Variants in JAK2 observed in about 807,000 individuals in gnomAD.
The protein encoded by JAK2 is Janus kinase 2.
A neutral mutation model predicts 139.3 loss-of-function variants in JAK2; 86 were observed. The observed-to-expected ratio is 0.62, with a 90% confidence interval of 0.52 to 0.74. The LOEUF (loss-of-function observed/expected upper bound fraction) is 0.74, where lower values mean the gene tolerates loss of function less well. JAK2 is among the 30% of genes least tolerant of loss of function. The pLI is 0.00. For missense variants in JAK2, 1,421 were observed against 1,360.3 expected (o/e 1.04, Z -0.70); for synonymous variants, 490 against 437.7 (o/e 1.12, Z -1.49).
At chr9:5,027,698 A>G (rs1822868785) in intron 3 of JAK2, among the ~76,000 whole-genome samples, 1 of 152,218 alleles carries the variant, frequency 6.6e-6, no homozygotes, top group African/African-American at 2.4e-5. Flanking sequence ...GATTAAGTTG[A>G]TGTAGTATTA....
At chr9:5,076,807 T>C (rs1178933402) in intron 14 of JAK2, among the ~76,000 whole-genome samples, 1 of 152,212 alleles carries the variant, frequency 6.6e-6, no homozygotes, top group Non-Finnish European at 1.5e-5. Context: ...TGAAAATTGA[T>C]AATCTTCTCA....
intron 23 of JAK2, 145 bp downstream of exon 23, chr9:5,123,266 C>T (rs942899237): frequency 1.9e-6 from 1 of 540,438 alleles, no homozygotes; most frequent in Non-Finnish European, 3.4e-6. Flanking sequence ...ACCTTAATAA[C>T]ATACATTGTA....
chr9:5,032,926 C>G (rs1290080329), intron 4 of JAK2, among the ~76,000 whole-genome samples: 1 of 152,154 alleles, frequency 6.6e-6, no homozygotes, highest in African/African-American at 2.4e-5. Flanking sequence ...GAGAAGAAGG[C>G]TTCAGACGAT....
chr9:4,992,821 C>T (rs938068838), intron 2 of JAK2, among the ~76,000 whole-genome samples: 10 of 152,196 alleles, frequency 6.6e-5, no homozygotes, highest in African/African-American at 2.4e-4. Context: ...TAGGCACAGT[C>T]TGTAGCAATT....
intron 22 of JAK2, among the ~76,000 whole-genome samples, chr9:5,120,207 G>A (rs1280307190): frequency 6.6e-6 from 1 of 152,180 alleles, no homozygotes; most frequent in Non-Finnish European, 1.5e-5. Flanking sequence ...AAAGTGGAAG[G>A]GCGAGAGGGG....
intron 2 of JAK2, among the ~76,000 whole-genome samples, chr9:4,997,218 C>T (rs918752163): frequency 2.0e-5 from 3 of 152,020 alleles, no homozygotes; most frequent in African/African-American, 4.8e-5. Flanking sequence ...GGTTCTGGAG[C>T]CACCGCGCAT....
intron 2 of JAK2, among the ~76,000 whole-genome samples, chr9:5,003,165 C>G (rs1821031640): frequency 6.6e-6 from 1 of 151,808 alleles, no homozygotes; most frequent in African/African-American, 2.4e-5. Flanking sequence ...TAATATAAAT[C>G]TTTAGTTTGC....
intron 4 of JAK2, among the ~76,000 whole-genome samples, chr9:5,034,810 C>G (rs2130210501): frequency 6.6e-6 from 1 of 152,246 alleles, no homozygotes; most frequent in East Asian, 1.9e-4. Context: ...GACACCCTAA[C>G]ATCACAATTA....
At chr9:5,113,537 C>G (rs1049288808) in intron 22 of JAK2, 2 of 153,630 alleles carry the variant, frequency 1.3e-5, no homozygotes, top group African/African-American at 4.9e-5. Context: ...CTCAGCTGAT[C>G]TTGACTGTCC....
chr9:4,988,524 C>G (rs894891082), intron 2 of JAK2, among the ~76,000 whole-genome samples: 11 of 152,204 alleles, frequency 7.2e-5, no homozygotes, highest in African/African-American at 1.2e-4. Context: ...GAAAAATTTG[C>G]TAAGACTCAG....
rs201214519 is a variant in JAK2, at chr9:5,126,312, T to C, written c.3178-21T>C. The C allele has an allele frequency of 8.6e-6, 13 of 1,513,970 alleles. 1 individual carries two copies. The East Asian group carries it at 1.8e-4, about 21-fold the overall frequency. The allele number at this position is 1,513,970 out of a possible 1,614,324, so 93.8% of individuals were successfully genotyped here. A position where few individuals can be genotyped will look rare whatever the true frequency, so the allele number is the denominator to read the frequency against. On this transcript the variant is annotated intron_variant, in intron 23 of 24. Transcript: ENST00000381652. The stretch of plus-strand genomic sequence containing the variant: ...CTACAAATTAAATGTACAAAAAATA[T>C]TGAAAGTGGGTTTGTTTTAGGAATT...
chr9:5,122,133 A>G (rs574772151), intron 22 of JAK2, among the ~76,000 whole-genome samples: 45 of 152,268 alleles, frequency 3.0e-4, no homozygotes, highest in Admixed American at 2.9e-3. Context: ...AGATTAGGAA[A>G]CTTAAATGGG....
chr9:5,038,045 A>G (rs924030108), intron 4 of JAK2, among the ~76,000 whole-genome samples: 1 of 152,170 alleles, frequency 6.6e-6, no homozygotes, highest in Non-Finnish European at 1.5e-5. Flanking sequence ...CATAGTTACA[A>G]CTATTCATTA....
intron 4 of JAK2, among the ~76,000 whole-genome samples, chr9:5,031,249 G>A (rs1450792061): frequency 2.0e-5 from 3 of 152,174 alleles, no homozygotes; most frequent in African/African-American, 7.2e-5. Context: ...AGATAGCCAT[G>A]AGAAAGAAGA....
At position 5,127,555 on chromosome 9, in the gene JAK2, T is replaced by C; in HGVS notation, c.*764T>C. 1 of 231,352 alleles carries C rather than the reference T, an allele frequency of 4.3e-6. No homozygotes were observed. Among genetic ancestry groups the C allele is most frequent in the East Asian group, 6.1e-5 (1 of 16,356 alleles). The allele number at this position is 231,352 out of a possible 1,614,324, so 14.3% of individuals were successfully genotyped here. On this transcript the variant is annotated 3_prime_UTR_variant, in exon 25 of 25. Coordinates refer to ENST00000381652, the MANE Select transcript of JAK2 (RefSeq NM_004972.4). ...TTCCCTTGTATCTATTTGTGGTGAA[T>C]GTGTTTTTTAAATGGAACTATCTCC...
chr9:5,123,779 G>C (rs1823790138), intron 23 of JAK2, among the ~76,000 whole-genome samples: 1 of 151,830 alleles, frequency 6.6e-6, no homozygotes, highest in South Asian at 2.1e-4. Flanking sequence ...CAGTGTATAA[G>C]AGTTCCCTTT....
At chr9:5,095,085 C>T (rs1820883386) in intron 22 of JAK2, 1 of 152,092 alleles carries the variant, frequency 6.6e-6, no homozygotes, top group Admixed American at 6.6e-5. Flanking sequence ...CCTCTTATTT[C>T]TGGAACTATA....
chr9:4,989,049 G>A (rs1275890825), intron 2 of JAK2, among the ~76,000 whole-genome samples: 1 of 152,104 alleles, frequency 6.6e-6, no homozygotes, highest in Non-Finnish European at 1.5e-5. Flanking sequence ...ATCCTCAATA[G>A]AGATTCCACT....
chr9:4,996,744 G>A (rs1203455752), intron 2 of JAK2, among the ~76,000 whole-genome samples: 2 of 151,736 alleles, frequency 1.3e-5, no homozygotes, highest in African/African-American at 2.4e-5. Context: ...AGTATTCTGC[G>A]ATAATTGGAT....
Sources: allele counts gnomAD v4.1 joint callset (sites outside exome capture counted in the v4.1 genomes callset), GRCh38; gene constraint gnomAD v4.1.1; transcripts MANE v1.5; gene names NCBI Gene and HGNC (gene_info 2026-07-23, HGNC 2026-07-21).